The following C1orf159 variants were observed in gnomAD, a reference collection of about 807,000 sequenced individuals.
C1orf159 encodes chromosome 1 open reading frame 159, also known as uncharacterized protein C1orf159.
Under a neutral mutation model 25.6 loss-of-function variants are expected in C1orf159, and 19 were observed. The ratio of observed to expected loss-of-function variants is 0.74; its 90% CI spans 0.52 to 1.09. The LOEUF is 1.09. Among genes scored for constraint, C1orf159 ranks in the 50% least tolerant of loss-of-function variants. C1orf159 has a pLI of 0.00. For missense variants in C1orf159, 274 were observed against 290.6 expected (o/e 0.94, Z 0.42); for synonymous variants, 139 against 124.7 (o/e 1.12, Z -0.77).
At chr1:1,104,780 C>T (rs891491813) in intron 1 of C1orf159, among the ~76,000 whole-genome samples, 5 of 151,920 alleles carry the variant, frequency 3.3e-5, no homozygotes, top group African/African-American at 1.2e-4. Context: ...CGCACCTGCA[C>T]TCCAGCCTGG....
At chr1:1,102,614 T>TAAAAA (rs1170365187) in intron 1 of C1orf159, among the ~76,000 whole-genome samples, 10 of 34,132 alleles carry the variant, frequency 2.9e-4, no homozygotes, top group African/African-American at 4.0e-4. Context: ...CTGTCTCTAC[T>TAAAAA]AAAAAAAAAA....
chr1:1,084,094 ACAGGAAAGAG>A (rs767521577), intron 9 of C1orf159: 1 of 1,600,304 alleles, frequency 6.2e-7, no homozygotes, highest in Non-Finnish European at 8.5e-7. Context: ...CGTCTCGGGA[ACAGGAAAGAG>A]CATGGAAGTC....
intron 7 of C1orf159, 69 bp from the exon 8 acceptor site, chr1:1,084,575 T>C: frequency 6.5e-7 from 1 of 1,538,286 alleles, no homozygotes; most frequent in South Asian, 1.2e-5. Context: ...CAGTGCAGCG[T>C]CCGGGACAGC....
rs557030242 is a variant in C1orf159, at chr1:1,090,372, G to T, written c.129C>A (p.Gly43=). Residue 43 remains glycine, a synonymous_variant, in exon 4 of 10, where the codon GGC becomes GGA. Transcript: ENST00000421241. The part of the protein sequence containing the change: ...DVVGVNASCP[G]ASLCGPGCYR... The stretch of plus-strand genomic sequence containing the variant: ...GCTTACCTGGACCACACAGACTTGC[G>T]CCTGGGCAGCTGGCGTTGACGCCCA... 2 of 1,550,532 alleles carry T rather than the reference G, an allele frequency of 1.3e-6. No individual in the cohort carries two copies. Among genetic ancestry groups the T allele is most frequent in the African/African-American group, 1.4e-5 (1 of 73,162 alleles).
chr1:1,103,106 G>T (rs901870815), intron 1 of C1orf159, among the ~76,000 whole-genome samples: 4 of 152,130 alleles, frequency 2.6e-5, no homozygotes, highest in African/African-American at 9.6e-5. Flanking sequence ...GCCTCCCAAA[G>T]TGCTGGGATT....
intron 1 of C1orf159, chr1:1,114,999 C>T (rs1557440850): frequency 6.6e-6 from 1 of 152,192 alleles, no homozygotes; most frequent in Non-Finnish European, 1.5e-5. Flanking sequence ...TAACCAAACA[C>T]CACCTGTACC....
At chr1:1,091,889 G>A in intron 2 of C1orf159, 102 bp downstream of exon 2, 1 of 464,374 alleles carries the variant, frequency 2.2e-6, no homozygotes, top group Non-Finnish European at 4.2e-6. Flanking sequence ...AGGGGTGCAG[G>A]GCCACGACAG....
At chr1:1,101,943 G>A (rs777023545) in intron 1 of C1orf159, among the ~76,000 whole-genome samples, 5 of 151,548 alleles carry the variant, frequency 3.3e-5, no homozygotes, top group East Asian at 1.9e-4. Context: ...ATGGTGGCAC[G>A]GGCATATAGT....
At position 1,090,604 on chromosome 1, in the gene C1orf159, G is replaced by GA. The variant is rs752609555; in HGVS notation, c.73-177_73-176insT. 21 of 718,360 alleles carry GA rather than the reference G, an allele frequency of 2.9e-5. 3 individuals carry two copies. Among genetic ancestry groups the GA allele is most frequent in the East Asian group, 8.1e-5 (3 of 37,088 alleles). 44.5% of individuals were successfully genotyped at this position (718,360 alleles called of 1,614,324 possible). On this transcript the variant is annotated intron_variant, in intron 3 of 9. Coordinates refer to ENST00000421241, the MANE Select transcript of C1orf159 (RefSeq NM_017891.5). ...CCTGTGGGCCTGGGAGCAAGGAGGGGCCTCACAGCCACAGTGCACATCCCT... is the reference window on the plus strand; with the variant it reads ...CCTGTGGGCCTGGGAGCAAGGAGGGGACCTCACAGCCACAGTGCACATCCCT...
chr1:1,091,081 G>A lies in C1orf159; in HGVS notation c.72+391C>T, dbSNP rs552877725. 2.2e-4 allele frequency: 230 copies of A among 1,030,806 alleles called. 1 individual carries two copies. Among genetic ancestry groups the A allele is most frequent in the East Asian group, 1.1e-3 (44 of 38,262 alleles). 63.9% of individuals were successfully genotyped at this position (1,030,806 alleles called of 1,614,324 possible). ...GGGGCCCAGGTCCGGTCCCTCAAACGCCCCAGCCAGGACAGTGAGGGGTCC... is the reference window on the plus strand; with the variant it reads ...GGGGCCCAGGTCCGGTCCCTCAAACACCCCAGCCAGGACAGTGAGGGGTCC... On this transcript the variant is annotated intron_variant, in intron 3 of 9. Transcript: ENST00000421241.
At chr1:1,102,092 A>C (rs1026876391) in intron 1 of C1orf159, among the ~76,000 whole-genome samples, 81 of 150,750 alleles carry the variant, frequency 5.4e-4, no homozygotes, top group African/African-American at 1.9e-3. Context: ...AAAAAAAAAA[A>C]AAAACAAACT....
In C1orf159 at chr1:1,104,928, C is replaced by T. The variant is rs1026956993; in HGVS notation, c.-136+11132G>A. On this transcript the variant is annotated intron_variant, in intron 1 of 9. Coordinates refer to ENST00000421241, the MANE Select transcript of C1orf159 (RefSeq NM_017891.5). Reference sequence around the variant, plus strand: ...CAAGGGATGTAAACCTGTTCACTGTCCAACAACAGCAGCAATCAACACTTC... The same window carrying T: ...CAAGGGATGTAAACCTGTTCACTGTTCAACAACAGCAGCAATCAACACTTC... Among the ~76,000 whole-genome samples, 8 of 152,194 alleles carry T rather than the reference C, an allele frequency of 5.3e-5. No individual in the cohort carries two copies. The East Asian group carries it at 1.5e-3, about 29-fold the overall frequency.
At chr1:1,085,193 G>A (rs1645809150) in intron 7 of C1orf159, 9 of 357,576 alleles carry the variant, frequency 2.5e-5, no homozygotes, top group Admixed American at 2.5e-4. Context: ...AGGTGGGGCT[G>A]CCCAGAGACC....
rs369017734 is a variant in C1orf159 at position 1,084,515 on chromosome 1, G to A, written c.446-9C>T. 3.2e-6 allele frequency: 5 copies of A among 1,551,910 alleles called. No individual in the cohort carries two copies. Among genetic ancestry groups the A allele is most frequent in the East Asian group, 2.4e-5 (1 of 41,132 alleles). On this transcript the variant is annotated splice_polypyrimidine_tract_variant and intron_variant, in intron 7 of 9. Transcript: ENST00000421241. ...AGGCTGCAGGGCCGGAGCTGTGGGG[G>A]AGAAAGCGGAGAGTCACCCTGGAGC...
chr1:1,088,207 C>A (rs1307915918), intron 4 of C1orf159, among the ~76,000 whole-genome samples: 1 of 98,830 alleles, frequency 1.0e-5, no homozygotes, highest in African/African-American at 4.0e-5. Flanking sequence ...AGGACCCCCC[C>A]CCCATGGCCT....
Position 1,101,497 on chromosome 1 carries a change from T to C in C1orf159, c.-135-9394A>G, listed in dbSNP as rs11578998. 3.6e-4 allele frequency among the ~76,000 whole-genome samples: 54 copies of C among 151,976 alleles called. 2 individuals are homozygous for C. In the East Asian group the frequency reaches 0.01, roughly 29 times the overall value. On this transcript the variant is annotated intron_variant, in intron 1 of 9. Transcript: ENST00000421241. ...GACTGTATAAAAAAAAATTTTTTTT[T>C]AAATCTCACAGACTCAGTCTATCAG...
At chr1:1,106,686 C>T (rs1646175099) in intron 1 of C1orf159, 1 of 152,530 alleles carries the variant, frequency 6.6e-6, no homozygotes, top group Non-Finnish European at 1.5e-5. Context: ...CCACGCTGGC[C>T]ACACTTGAGG....
chr1:1,098,194 C>T (rs557203332), intron 1 of C1orf159, among the ~76,000 whole-genome samples: 5 of 152,094 alleles, frequency 3.3e-5, no homozygotes, highest in South Asian at 4.2e-4. Flanking sequence ...CCCAGCCGCC[C>T]GAGTAGCTGG....
chr1:1,114,794 G>A (rs1246700022), intron 1 of C1orf159, among the ~76,000 whole-genome samples: 1 of 152,034 alleles, frequency 6.6e-6, no homozygotes, highest in Non-Finnish European at 1.5e-5. Context: ...CCCTCTGCGA[G>A]GGTTTCCCAG....
Sources: gnomAD v4.1 joint callset for allele counts (sites outside exome capture counted in the v4.1 genomes callset) on GRCh38, gnomAD v4.1.1 for gene constraint, MANE v1.5 for transcripts, NCBI Gene and HGNC (gene_info 2026-07-23, HGNC 2026-07-21) for gene names.